Variants in PHACTR4 observed in about 807,000 individuals in gnomAD.
PHACTR4 encodes the protein phosphatase and actin regulator 4, also known as protein phosphatase 1, regulatory subunit 124.
A neutral mutation model predicts 72.7 loss-of-function variants in PHACTR4; 51 were observed. That is an observed-to-expected ratio of 0.70 (90% CI 0.56 to 0.89). The LOEUF is 0.89. Ranked by LOEUF, PHACTR4 falls within the 40% of genes least tolerant of loss-of-function variation. PHACTR4 has a pLI of 0.00. For missense variants in PHACTR4, 731 were observed against 861.8 expected (o/e 0.85, Z 1.90); for synonymous variants, 255 against 302.5 (o/e 0.84, Z 1.63).
At chr1:28,465,599 A>G (rs1469648658) in intron 4 of PHACTR4, 86 bp from the exon 5 acceptor site, 6 of 1,359,450 alleles carry the variant, frequency 4.4e-6, no homozygotes, top group Admixed American at 2.3e-5. Flanking sequence ...TAAAAAAGAG[A>G]GAGAAAGAAA....
chr1:28,474,766 C>A (rs549661933), intron 7 of PHACTR4, among the ~76,000 whole-genome samples: 1 of 151,832 alleles, frequency 6.6e-6, no homozygotes, highest in Non-Finnish European at 1.5e-5. Flanking sequence ...TGGTCTCGAA[C>A]TCCTGACCTC....
At chr1:28,390,965 T>TG (rs1205396624) in intron 1 of PHACTR4, among the ~76,000 whole-genome samples, 1 of 150,634 alleles carries the variant, frequency 6.6e-6, no homozygotes, top group Non-Finnish European at 1.5e-5. Flanking sequence ...TGTGTTGGTG[T>TG]GCACCTGTAG....
chr1:28,428,855 GC>G (rs1313494034), intron 2 of PHACTR4, among the ~76,000 whole-genome samples: 1 of 152,192 alleles, frequency 6.6e-6, no homozygotes, highest in Non-Finnish European at 1.5e-5. Flanking sequence ...AACTCTATGA[GC>G]AGTTTTCTTC....
At chr1:28,478,518 G>T (rs1440129170) in intron 8 of PHACTR4, among the ~76,000 whole-genome samples, 2 of 151,932 alleles carry the variant, frequency 1.3e-5, no homozygotes. Context: ...TGTAACCTCC[G>T]CCTCCCAGGT....
intron 13 of PHACTR4, among the ~76,000 whole-genome samples, chr1:28,496,187 G>A (rs1231425204): frequency 6.6e-6 from 1 of 151,142 alleles, no homozygotes; most frequent in Non-Finnish European, 1.5e-5. Flanking sequence ...CTCGCGAGTA[G>A]CTGGGACTAC....
At chr1:28,427,844 T>C (rs1357155580) in intron 2 of PHACTR4, among the ~76,000 whole-genome samples, 6 of 152,202 alleles carry the variant, frequency 3.9e-5, no homozygotes, top group Non-Finnish European at 7.3e-5. Context: ...CAGCAAGTAT[T>C]TGTGGAGTGA....
At chr1:28,462,588 A>T (rs529706480) in intron 4 of PHACTR4, among the ~76,000 whole-genome samples, 1 of 151,524 alleles carries the variant, frequency 6.6e-6, no homozygotes. Context: ...CTGGTCTCAA[A>T]CTCCTGAGCT....
chr1:28,371,624 G>A (rs1034958817), intron 1 of PHACTR4, among the ~76,000 whole-genome samples: 1 of 151,146 alleles, frequency 6.6e-6, no homozygotes, highest in African/African-American at 2.4e-5. Flanking sequence ...TTTGAAATAG[G>A]GTCTCGCTGG....
At chr1:28,427,957 A>G (rs1186405656) in intron 2 of PHACTR4, among the ~76,000 whole-genome samples, 2 of 152,254 alleles carry the variant, frequency 1.3e-5, no homozygotes, top group South Asian at 2.1e-4. Flanking sequence ...AGAGTACACT[A>G]TGGTCACTAC....
chr1:28,458,000 C>T (rs1658515961), intron 2 of PHACTR4: 1 of 292,830 alleles, frequency 3.4e-6, no homozygotes, highest in African/African-American at 2.3e-5. Flanking sequence ...TAACTAAACC[C>T]TGCATGCATG....
At chr1:28,432,489 T>G (rs956398617) in intron 2 of PHACTR4, among the ~76,000 whole-genome samples, 1 of 150,518 alleles carries the variant, frequency 6.6e-6, no homozygotes, top group African/African-American at 2.4e-5. Flanking sequence ...AAAAAAAAAT[T>G]AAAAAATTAG....
At chr1:28,428,805 A>G (rs536620159) in intron 2 of PHACTR4, among the ~76,000 whole-genome samples, 1 of 152,236 alleles carries the variant, frequency 6.6e-6, no homozygotes, top group Non-Finnish European at 1.5e-5. Flanking sequence ...ACCTCTAATC[A>G]TTAGGTAGTC....
In PHACTR4 at chr1:28,450,974, C is replaced by CTTTTT. The variant is rs1188704308; in HGVS notation, c.17-8095_17-8091dup. On this transcript the variant is annotated intron_variant, in intron 2 of 13. Transcript: ENST00000373839. Reference sequence around the variant, plus strand: ...TACAGGCATGTACCACCACACCCAGCTTTTTTTTTTTTTTTTTTTTGTATT... The same window carrying CTTTTT: ...TACAGGCATGTACCACCACACCCAGCTTTTTTTTTTTTTTTTTTTTTTTTTGTATT... Among the ~76,000 whole-genome samples the CTTTTT allele has an allele frequency of 1.7e-3, 124 of 72,012 alleles. 1 individual carries two copies. The highest frequency in any genetic ancestry group is 2.1e-3 in the African/African-American group (31 of 14,604). The allele number at this position is 72,012 out of a possible 152,430, so 47.2% of individuals were successfully genotyped here. A position where few individuals can be genotyped will look rare whatever the true frequency, so the allele number is the denominator to read the frequency against.
chr1:28,452,166 A>G (rs2124447031), intron 2 of PHACTR4, among the ~76,000 whole-genome samples: 1 of 152,156 alleles, frequency 6.6e-6, no homozygotes, highest in African/African-American at 2.4e-5. Context: ...TTTTCAATAA[A>G]TGTATTGACA....
At chr1:28,466,241 G>C (rs904283881) in intron 5 of PHACTR4, 141 bp from the exon 6 acceptor site, 2 of 902,500 alleles carry the variant, frequency 2.2e-6, no homozygotes, top group African/African-American at 3.4e-5. Flanking sequence ...GGGGAGGTTG[G>C]GAGGCATTGA....
intron 4 of PHACTR4, among the ~76,000 whole-genome samples, chr1:28,465,422 T>C (rs1320844375): frequency 6.6e-6 from 1 of 152,110 alleles, no homozygotes; most frequent in African/African-American, 2.4e-5. Flanking sequence ...ATCATGCCAC[T>C]GCACTCCAGC....
intron 1 of PHACTR4, among the ~76,000 whole-genome samples, chr1:28,383,439 G>A (rs1419964844): frequency 2.0e-5 from 3 of 152,096 alleles, no homozygotes; most frequent in Non-Finnish European, 2.9e-5. Context: ...ATTTCTTAGA[G>A]CAGTGCGGCC....
intron 1 of PHACTR4, among the ~76,000 whole-genome samples, chr1:28,384,855 G>A (rs553401886): frequency 6.6e-6 from 1 of 152,272 alleles, no homozygotes; most frequent in African/African-American, 2.4e-5. Flanking sequence ...CTGCACCTCT[G>A]TGCTCCAGCC....
In PHACTR4 at chr1:28,466,804, T is replaced by C. The variant is rs80194584; in HGVS notation, c.823+36T>C. 1,497 of 1,571,858 alleles carry C rather than the reference T, an allele frequency of 9.5e-4. 10 individuals carry two copies. In the African/African-American group the frequency reaches 0.018, roughly 19 times the overall value. On this transcript the variant is annotated intron_variant, in intron 6 of 13. Coordinates refer to ENST00000373839, the MANE Select transcript of PHACTR4 (RefSeq NM_001048183.3). ...CTTTAGGCTTCCAGTGTTTTGGGTT[T>C]GGTTTGATGTTGGATGGTTATTTTA...
Sources: allele counts gnomAD v4.1 joint callset (sites outside exome capture counted in the v4.1 genomes callset), GRCh38; gene constraint gnomAD v4.1.1; transcripts MANE v1.5; gene names NCBI Gene and HGNC (gene_info 2026-07-23, HGNC 2026-07-21).